Variants in CNTN1 observed in about 807,000 individuals in gnomAD.
The protein encoded by CNTN1 is contactin-1.
CNTN1 carries 38 observed loss-of-function variants against 126.4 expected under a neutral mutation model. The observed-to-expected ratio is 0.30, with a 90% confidence interval of 0.23 to 0.39. The LOEUF is 0.39. Ranked by LOEUF, CNTN1 falls within the 10% of genes least tolerant of loss-of-function variation. The pLI, the probability that CNTN1 is intolerant of heterozygous loss-of-function variation, is 1.00. For missense variants in CNTN1, 1,009 were observed against 1,248.4 expected, an observed-to-expected ratio of 0.81 and a Z score of 2.89; for synonymous variants, 413 against 422.6, an observed-to-expected ratio of 0.98 and a Z score of 0.28.
At chr12:40,931,480 C>T (rs1272299598) in intron 7 of CNTN1, among the ~76,000 whole-genome samples, 1 of 151,970 alleles carries the variant, frequency 6.6e-6, no homozygotes, top group African/African-American at 2.4e-5. Context: ...GTTCACATCT[C>T]CGAAACTTTT....
At chr12:41,018,258 AGAAG>A (rs1375448771) in intron 19 of CNTN1, among the ~76,000 whole-genome samples, 1 of 152,180 alleles carries the variant, frequency 6.6e-6, no homozygotes, top group African/African-American at 2.4e-5. Context: ...AAGCACAAAT[AGAAG>A]AGCTTGAAAA....
chr12:40,725,958 AG>A (rs1219803770), intron 1 of CNTN1, among the ~76,000 whole-genome samples: 8 of 152,218 alleles, frequency 5.3e-5, no homozygotes, highest in Middle Eastern at 3.4e-3. Context: ...TAAAATAGTG[AG>A]GAAAAAAATG....
intron 3 of CNTN1, among the ~76,000 whole-genome samples, chr12:40,913,143 C>T (rs1348076010): frequency 2.0e-5 from 3 of 152,172 alleles, no homozygotes; most frequent in Admixed American, 6.5e-5. Context: ...ATTCTTTATT[C>T]TAATAACTGT....
chr12:41,052,172 G>T (rs1284965704), intron 23 of CNTN1, among the ~76,000 whole-genome samples: 1 of 152,062 alleles, frequency 6.6e-6, no homozygotes, highest in Non-Finnish European at 1.5e-5. Flanking sequence ...CCGGATATCT[G>T]CCCAACTAGA....
chr12:40,968,745 T>C (rs1947392762), intron 15 of CNTN1, among the ~76,000 whole-genome samples: 1 of 152,084 alleles, frequency 6.6e-6, no homozygotes, highest in African/African-American at 2.4e-5. Context: ...AGAAAAAAAA[T>C]ATATTTTCAA....
intron 16 of CNTN1, among the ~76,000 whole-genome samples, chr12:40,991,828 A>AAAACAAAC (rs141511459): frequency 5.7e-4 from 86 of 152,000 alleles, no homozygotes; most frequent in African/African-American, 1.3e-3. Context: ...ACTCCGTCTC[A>AAAACAAAC]AAACAAACAA....
chr12:40,775,509 G>T (rs920272065), intron 1 of CNTN1, among the ~76,000 whole-genome samples: 2 of 151,324 alleles, frequency 1.3e-5, no homozygotes, highest in African/African-American at 2.4e-5. Context: ...TGATATCCTA[G>T]TAGGGAATAA....
At position 40,870,346 on chromosome 12, in the gene CNTN1, ACTT is replaced by A. The variant is rs545993274; in HGVS notation, c.-76-38007_-76-38005del. 8.7e-3 allele frequency among the ~76,000 whole-genome samples: 1,326 copies of A among 152,214 alleles called. 13 individuals are homozygous for A. Among genetic ancestry groups the A allele is most frequent in the Non-Finnish European group, 0.013 (878 of 68,000 alleles). ...ATGGCAGAATCTGTTGTAACAAAAG[ACTT>A]CTTTGTCAAAATTGTCATTTCATTT... On this transcript the variant is annotated intron_variant, in intron 1 of 23. Coordinates refer to ENST00000551295, the MANE Select transcript of CNTN1 (RefSeq NM_001843.4).
intron 1 of CNTN1, among the ~76,000 whole-genome samples, chr12:40,837,226 G>T (rs1409992030): frequency 6.6e-6 from 1 of 152,132 alleles, no homozygotes; most frequent in Admixed American, 6.5e-5. Context: ...AACCAAAATA[G>T]TGTATAGACA....
At chr12:40,941,059 CTA>C (rs1193360908) in intron 12 of CNTN1, among the ~76,000 whole-genome samples, 2 of 152,156 alleles carry the variant, frequency 1.3e-5, no homozygotes, top group East Asian at 3.8e-4. Flanking sequence ...TTTCCCAGAA[CTA>C]TGTTTCATGG....
At chr12:40,979,050 T>C (rs1947755576) in intron 15 of CNTN1, 1 of 152,228 alleles carries the variant, frequency 6.6e-6, no homozygotes. Flanking sequence ...GTACACTGTA[T>C]TTCAATGTGT....
At chr12:40,786,917 T>C (rs1179094267) in intron 1 of CNTN1, among the ~76,000 whole-genome samples, 5 of 152,198 alleles carry the variant, frequency 3.3e-5, no homozygotes, top group Non-Finnish European at 2.9e-5. Flanking sequence ...ATTTATTCCC[T>C]TGTCCTTTAA....
chr12:40,815,243 G>C (rs553964701), intron 1 of CNTN1, among the ~76,000 whole-genome samples: 1 of 152,194 alleles, frequency 6.6e-6, no homozygotes, highest in African/African-American at 2.4e-5. Flanking sequence ...ATTTTGGATA[G>C]TATGGCCATT....
At chr12:40,752,409 C>A (rs1938438069) in intron 1 of CNTN1, among the ~76,000 whole-genome samples, 1 of 152,020 alleles carries the variant, frequency 6.6e-6, no homozygotes, top group African/African-American at 2.4e-5. Context: ...CTAGAAAACC[C>A]TTAATGAATG....
chr12:40,842,654 T>C (rs1942330323), intron 1 of CNTN1, among the ~76,000 whole-genome samples: 1 of 152,156 alleles, frequency 6.6e-6, no homozygotes, highest in East Asian at 1.9e-4. Flanking sequence ...TAGAGTCTTC[T>C]GTGTAAGATT....
At chr12:40,941,927 G>A (rs1329161531) in intron 12 of CNTN1, among the ~76,000 whole-genome samples, 1 of 152,056 alleles carries the variant, frequency 6.6e-6, no homozygotes, top group South Asian at 2.1e-4. Flanking sequence ...TTATTAAAAA[G>A]TAATTTTAAT....
chr12:40,921,065 C>T (rs1945423599), intron 4 of CNTN1, among the ~76,000 whole-genome samples: 1 of 152,150 alleles, frequency 6.6e-6, no homozygotes, highest in Non-Finnish European at 1.5e-5. Context: ...ACAATATTGC[C>T]ATCACCTGGG....
intron 1 of CNTN1, among the ~76,000 whole-genome samples, chr12:40,892,824 G>C (rs1325806084): frequency 6.6e-6 from 1 of 151,888 alleles, no homozygotes; most frequent in East Asian, 1.9e-4. Context: ...GTCAAAACAT[G>C]GTGCTTTTTG....
chr12:41,070,685 T>G lies in CNTN1; in HGVS notation c.*650T>G, dbSNP rs1046572781. The G allele has an allele frequency of 1.3e-5, 2 of 152,238 alleles. No homozygotes were observed. 9.4% of individuals were successfully genotyped at this position (152,238 alleles called of 1,614,324 possible). ...TTCTTATTTTCAAAGGAAATAATTT[T>G]CTAAATATTTGATTTTCAGAATCAG... is the stretch of plus-strand genomic sequence containing the variant. On this transcript the variant is annotated 3_prime_UTR_variant, in exon 24 of 24. Coordinates refer to ENST00000551295, the MANE Select transcript of CNTN1 (RefSeq NM_001843.4).
Sources: gnomAD v4.1 joint callset for allele counts (sites outside exome capture counted in the v4.1 genomes callset) on GRCh38, gnomAD v4.1.1 for gene constraint, MANE v1.5 for transcripts, NCBI Gene and HGNC (gene_info 2026-07-23, HGNC 2026-07-21) for gene names.